RRP1: variants seen among roughly 807,000 people sequenced by gnomAD.
The protein encoded by RRP1 is ribosomal RNA processing 1, also known as ribosomal RNA processing protein 1 homolog A.
In RRP1, 37 loss-of-function variants were observed where a neutral mutation model predicts 54.6. The ratio of observed to expected loss-of-function variants is 0.68; its 90% CI spans 0.52 to 0.89. The LOEUF is 0.89. Among genes scored for constraint, RRP1 ranks in the 40% least tolerant of loss-of-function variants. The pLI, the probability that RRP1 is intolerant of heterozygous loss-of-function variation, is 0.00. For missense variants in RRP1, 639 were observed against 612.5 expected, an observed-to-expected ratio of 1.04 and a Z score of -0.46; for synonymous variants, 262 against 244.3, an observed-to-expected ratio of 1.07 and a Z score of -0.67.
intron 10 of RRP1, 117 bp from the exon 11 acceptor site, chr21:43,800,745 A>AT: frequency 1.3e-6 from 2 of 1,519,402 alleles, no homozygotes; most frequent in Non-Finnish European, 1.8e-6. Flanking sequence ...GGACCCTGAG[A>AT]CCGTCCCCAG....
At chr21:43,802,475 C>G (rs1208952236) in intron 12 of RRP1, 88 bp downstream of exon 12, 15 of 1,038,658 alleles carry the variant, frequency 1.4e-5, no homozygotes, top group African/African-American at 4.7e-5. Flanking sequence ...AGTGTCTCCC[C>G]CTGAAGCATG....
At chr21:43,798,136 C>A (rs369624623) in intron 8 of RRP1, 36 bp downstream of exon 8, 5 of 1,553,722 alleles carry the variant, frequency 3.2e-6, no homozygotes, top group Non-Finnish European at 2.6e-6. Flanking sequence ...CTCCTCGGGG[C>A]CTGTCCTGGG....
Position 43,800,863 on chromosome 21 carries a change from C to T in RRP1, c.991C>T (p.Leu331=). The T allele has an allele frequency of 1.2e-6, 2 of 1,613,718 alleles. No homozygotes were observed. The highest frequency in any genetic ancestry group is 1.7e-6 in the Non-Finnish European group (2 of 1,180,036). Residue 331 remains leucine, a splice_region_variant and synonymous_variant, in exon 11 of 13, where the codon CTG becomes TTG. Coordinates refer to ENST00000497547, the MANE Select transcript of RRP1 (RefSeq NM_003683.6). Reference sequence around the variant, plus strand: ...TGGGTATCTGTCTTACTCTTTCAGGCTGCAGGACCTGGCAGGAGGTGAGGA... The same window carrying T: ...TGGGTATCTGTCTTACTCTTTCAGGTTGCAGGACCTGGCAGGAGGTGAGGA... ...RKRLYKVIRK[L]QDLAGGIFPE...
Position 43,800,470 on chromosome 21 carries a change from C to T in RRP1, c.892-47C>T, listed in dbSNP as rs2085074676. ...AGGGGTTCCACGTTCTCGGAGCACG[C>T]AGAGCGTGGCTGACCTTGCCTCTGT... On this transcript the variant is annotated intron_variant, in intron 9 of 12. Coordinates refer to ENST00000497547, the MANE Select transcript of RRP1 (RefSeq NM_003683.6). 4 of 1,579,986 alleles carry T rather than the reference C, an allele frequency of 2.5e-6. No homozygotes were observed. In the East Asian group the frequency reaches 6.7e-5, roughly 26 times the overall value.
intron 5 of RRP1, among the ~76,000 whole-genome samples, chr21:43,797,165 G>A (rs773766000): frequency 1.3e-5 from 2 of 152,240 alleles, no homozygotes; most frequent in Non-Finnish European, 2.9e-5. Flanking sequence ...TTTTGTAGCT[G>A]ACATGCACAC....
intron 5 of RRP1, 136 bp downstream of exon 5, chr21:43,795,386 A>G: frequency 1.2e-6 from 1 of 814,002 alleles, no homozygotes; most frequent in East Asian, 2.6e-5. Context: ...TAGAGAGAAG[A>G]TAGTTTTTAA....
At chr21:43,799,451 G>T (rs1175216607) in intron 8 of RRP1, 119 bp from the exon 9 acceptor site, 2 of 1,057,734 alleles carry the variant, frequency 1.9e-6, no homozygotes, top group African/African-American at 1.6e-5. Flanking sequence ...GTTCCCGGGT[G>T]TTTCCCGCCT....
chr21:43,804,803 C>A lies in RRP1; in HGVS notation c.*1029C>A, dbSNP rs1380798228. ...GCAGACCCTGGACTGCATCCGGTTC[C>A]CCAAAGCCCTGCTGCATTCGAGTGT... On this transcript the variant is annotated 3_prime_UTR_variant, in exon 13 of 13. Coordinates refer to ENST00000497547, the MANE Select transcript of RRP1 (RefSeq NM_003683.6). The surrounding 1 kb of genome is among the most constrained non-coding windows in gnomAD (Gnocchi z 4.3). The A allele has an allele frequency of 6.6e-6, 1 of 152,370 alleles. No homozygotes were observed. Among genetic ancestry groups the A allele is most frequent in the Non-Finnish European group, 1.5e-5 (1 of 68,174 alleles). The allele number at this position is 152,370 out of a possible 1,614,324, so 9.4% of individuals were successfully genotyped here. A position where few individuals can be genotyped will look rare whatever the true frequency, so the allele number is the denominator to read the frequency against.
intron 8 of RRP1, among the ~76,000 whole-genome samples, chr21:43,798,379 C>T (rs767626530): frequency 6.6e-6 from 1 of 152,174 alleles, no homozygotes; most frequent in Non-Finnish European, 1.5e-5. Flanking sequence ...CCCCTAGACT[C>T]GTTCCTGCCT....
Position 43,797,303 on chromosome 21 carries a change from C to G in RRP1, c.423-119C>G. The G allele has an allele frequency of 3.4e-6, 5 of 1,469,960 alleles. No individual in the cohort carries two copies. In the African/African-American group the frequency reaches 7.0e-5, roughly 21 times the overall value. The allele number at this position is 1,469,960 out of a possible 1,614,324, so 91.1% of individuals were successfully genotyped here. On this transcript the variant is annotated intron_variant, in intron 5 of 12. Transcript: ENST00000497547. Reference sequence around the variant, plus strand: ...ACTTTAAGGCTGGCATGTTTGCAGACAGTGGCGCCTGCCCGCACTTAGGTT... The same window carrying G: ...ACTTTAAGGCTGGCATGTTTGCAGAGAGTGGCGCCTGCCCGCACTTAGGTT...
chr21:43,802,501 A>G (rs565641465), intron 12 of RRP1, 114 bp downstream of exon 12: 1 of 803,514 alleles, frequency 1.2e-6, no homozygotes, highest in African/African-American at 1.7e-5. Context: ...CGAGTCCCCC[A>G]TCCTGGGTGC....
chr21:43,799,666 C>G lies in RRP1; in HGVS notation c.891+17C>G. The G allele has an allele frequency of 6.2e-7, 1 of 1,600,822 alleles. No individual in the cohort carries two copies. Among genetic ancestry groups the G allele is most frequent in the Non-Finnish European group, 8.5e-7 (1 of 1,174,532 alleles). On this transcript the variant is annotated intron_variant, in intron 9 of 12. Transcript: ENST00000497547. Reference sequence around the variant, plus strand: ...GTTCTCCAGGTGGGTTCCCTGGGCTCATGGCTGTGCCCTCAGCCTTTGCCC... The same window carrying G: ...GTTCTCCAGGTGGGTTCCCTGGGCTGATGGCTGTGCCCTCAGCCTTTGCCC...
At position 43,797,940 on chromosome 21, in the gene RRP1, C is replaced by T; in HGVS notation, c.651C>T (p.Ile217=). The T allele has an allele frequency of 6.2e-7, 1 of 1,614,156 alleles. No individual in the cohort carries two copies. The highest frequency in any genetic ancestry group is 1.1e-5 in the South Asian group (1 of 91,088). Residue 217 remains isoleucine (I), a synonymous_variant, in exon 8 of 13, where the codon ATC becomes ATT. Transcript: ENST00000497547. ...TTTTGAACAACATCACTCGAGGCATCTTTGAGACGATTGTGGAGCAGGCCC... is the reference window on the plus strand; with the variant it reads ...TTTTGAACAACATCACTCGAGGCATTTTTGAGACGATTGTGGAGCAGGCCC... ...SLVLNNITRG[I]FETIVEQAPL... is the part of the protein sequence containing the mutation.
rs776958944 is a variant in RRP1 at position 43,797,519 on chromosome 21, C to T, written c.520C>T (p.Leu174=). The change falls in exon 6 of 13, where the codon CTG becomes TTG. Residue 174 remains leucine, a synonymous_variant. Transcript: ENST00000497547. The part of the protein sequence containing the change: ...GVKSHFIEIF[L]EELTKVGAEE... Reference sequence around the variant, plus strand: ...GAAGAGCCACTTCATCGAGATCTTCCTGGAGGAGCTGACCAAAGTGGGCGC... The same window carrying T: ...GAAGAGCCACTTCATCGAGATCTTCTTGGAGGAGCTGACCAAAGTGGGCGC... 9 of 1,614,042 alleles carry T rather than the reference C, an allele frequency of 5.6e-6. No homozygotes were observed. The highest frequency in any genetic ancestry group is 1.7e-4 in the Middle Eastern group (1 of 6,060).
Position 43,800,608 on chromosome 21 carries a change from T to C in RRP1, c.983T>C (p.Ile328Thr). Residue 328 changes from isoleucine to threonine, a missense_variant, in exon 10 of 13, where the codon ATC becomes ACC. Coordinates refer to ENST00000497547, the MANE Select transcript of RRP1 (RefSeq NM_003683.6). Reference sequence around the variant, plus strand: ...AACAGAAAGCGTCTCTACAAAGTGATCCGGAAGTGAGTGTGTGAGGGCGCT... The same window carrying C: ...AACAGAAAGCGTCTCTACAAAGTGACCCGGAAGTGAGTGTGTGAGGGCGCT... ...SQNRKRLYKV[I>T]RKLQDLAGGI... 1 of 1,614,164 alleles carries C rather than the reference T, an allele frequency of 6.2e-7. No individual in the cohort carries two copies. Among genetic ancestry groups the C allele is most frequent in the Non-Finnish European group, 8.5e-7 (1 of 1,179,980 alleles).
At chr21:43,799,398 C>T (rs905990121) in intron 8 of RRP1, among the ~76,000 whole-genome samples, 172 bp from the exon 9 acceptor site, 27 of 151,410 alleles carry the variant, frequency 1.8e-4, no homozygotes, top group African/African-American at 5.3e-4. Flanking sequence ...TGGGCTTTCC[C>T]GCCTGTGCCC....
At chr21:43,796,100 C>G (rs2085015965) in intron 5 of RRP1, among the ~76,000 whole-genome samples, 1 of 151,360 alleles carries the variant, frequency 6.6e-6, no homozygotes, top group South Asian at 2.1e-4. Flanking sequence ...CCACTGCACT[C>G]TAGCCTAGGT....
intron 1 of RRP1, chr21:43,790,937 T>G (rs58194014): frequency 3.8e-5 from 17 of 448,394 alleles, no homozygotes; most frequent in African/African-American, 3.0e-4. Flanking sequence ...GAGTTCACTT[T>G]CTTCTTTTAG....
chr21:43,790,079 ATTTT>A (rs2084941312), intron 1 of RRP1, among the ~76,000 whole-genome samples: 1 of 151,912 alleles, frequency 6.6e-6, no homozygotes, highest in Admixed American at 6.5e-5. Flanking sequence ...GGCACCCAGT[ATTTT>A]TCCCTCATGG....
Sources: allele counts gnomAD v4.1 joint callset (sites outside exome capture counted in the v4.1 genomes callset), GRCh38; gene constraint gnomAD v4.1.1; non-coding constraint Gnocchi (gnomAD v3.1); transcripts MANE v1.5; gene names NCBI Gene and HGNC (gene_info 2026-07-23, HGNC 2026-07-21).